The following RBPMS variants were observed in gnomAD, a reference collection of about 807,000 sequenced individuals.
The protein encoded by RBPMS is RNA binding protein, mRNA processing factor, also known as RNA-binding protein with multiple splicing.
In RBPMS, 7 loss-of-function variants were observed where a neutral mutation model predicts 26.8. The ratio of observed to expected loss-of-function variants is 0.26; its 90% CI spans 0.15 to 0.49. The LOEUF (loss-of-function observed/expected upper bound fraction) is 0.49. RBPMS is among the 20% of genes least tolerant of loss of function. The pLI is 0.98. For synonymous variants in RBPMS, 96 were observed against 93.3 expected (o/e 1.03, Z -0.17); for missense variants, 186 against 250.0 (o/e 0.74, Z 1.73).
intron 4 of RBPMS, among the ~76,000 whole-genome samples, chr8:30,501,093 G>C (rs568808330): frequency 1.1e-4 from 16 of 152,140 alleles, no homozygotes; most frequent in Non-Finnish European, 2.2e-4. Flanking sequence ...CCTCCAAGTT[G>C]ATGCTGCTAA....
At chr8:30,519,377 C>G (rs1219630276) in intron 5 of RBPMS, among the ~76,000 whole-genome samples, 2 of 151,396 alleles carry the variant, frequency 1.3e-5, no homozygotes, top group African/African-American at 4.9e-5. Flanking sequence ...ATTGGTCAGT[C>G]CATATATTGC....
At chr8:30,471,942 A>G (rs758269890) in intron 1 of RBPMS, among the ~76,000 whole-genome samples, 14 of 152,218 alleles carry the variant, frequency 9.2e-5, no homozygotes, top group Non-Finnish European at 4.4e-5. Context: ...CCAGCAGAAT[A>G]CACATTTGTT....
At chr8:30,470,689 G>GTGGA (rs1387958043) in intron 1 of RBPMS, among the ~76,000 whole-genome samples, 1 of 152,144 alleles carries the variant, frequency 6.6e-6, no homozygotes, top group Admixed American at 6.5e-5. Context: ...TGAAACAATA[G>GTGGA]TGGACTTCAT....
intron 4 of RBPMS, among the ~76,000 whole-genome samples, chr8:30,502,237 G>T (rs1336301352): frequency 2.0e-5 from 3 of 151,466 alleles, no homozygotes; most frequent in African/African-American, 7.3e-5. Flanking sequence ...TATGAAGAAG[G>T]GGGCAGGGAG....
In RBPMS at chr8:30,559,080, AT is replaced by A; in HGVS notation, c.*7+125del. On this transcript the variant is annotated intron_variant, in intron 7 of 8. Coordinates refer to ENST00000397323, the MANE Select transcript of RBPMS (RefSeq NM_001008710.3). ...CACACCTTATGCACCTCCTTTGTCC[AT>A]CTTTGTTAAACTCACTTGAACTACA... 5.1e-6 allele frequency: 4 copies of A among 786,020 alleles called. 1 individual carries two copies. The African/African-American group carries it at 6.8e-5, about 13-fold the overall frequency. The allele number at this position is 786,020 out of a possible 1,614,324, so 48.7% of individuals were successfully genotyped here. A position where few individuals can be genotyped will look rare whatever the true frequency, so the allele number is the denominator to read the frequency against.
intron 6 of RBPMS, among the ~76,000 whole-genome samples, chr8:30,557,366 A>T (rs984102405): frequency 2.0e-5 from 3 of 152,208 alleles, no homozygotes; most frequent in Middle Eastern, 3.4e-3. Flanking sequence ...CCCAATTTCT[A>T]GACATCCCTG....
intron 1 of RBPMS, among the ~76,000 whole-genome samples, chr8:30,388,468 CTT>C (rs1807377328): frequency 8.2e-6 from 1 of 121,686 alleles, no homozygotes; most frequent in Admixed American, 8.1e-5. Context: ...TAACTTATAA[CTT>C]ATAGCTATAG....
chr8:30,495,963 T>C (rs1438750169), intron 4 of RBPMS, among the ~76,000 whole-genome samples: 33 of 152,228 alleles, frequency 2.2e-4, no homozygotes, highest in Admixed American at 2.1e-3. Context: ...ATATGGATTC[T>C]ACCAGTAGTT....
At chr8:30,457,612 A>C (rs569289538) in intron 1 of RBPMS, among the ~76,000 whole-genome samples, 1 of 102,470 alleles carries the variant, frequency 9.8e-6, no homozygotes, top group African/African-American at 4.2e-5. Flanking sequence ...TTTTTTTTTG[A>C]GATGGAGTCT....
At chr8:30,555,849 T>C (rs900416926) in intron 6 of RBPMS, 14 of 983,624 alleles carry the variant, frequency 1.4e-5, no homozygotes, top group African/African-American at 1.7e-5. Context: ...CGAATGGGGC[T>C]AAGAGAGAAC....
At chr8:30,490,875 C>T (rs925525131) in intron 4 of RBPMS, among the ~76,000 whole-genome samples, 2 of 152,096 alleles carry the variant, frequency 1.3e-5, no homozygotes, top group African/African-American at 2.4e-5. Context: ...ATAGGTTTTG[C>T]CTCACTTTGT....
intron 1 of RBPMS, among the ~76,000 whole-genome samples, chr8:30,421,954 CA>C (rs1810843052): frequency 6.7e-6 from 1 of 148,630 alleles, no homozygotes; most frequent in Non-Finnish European, 1.5e-5. Context: ...GACTCTGTCT[CA>C]AAAAAGAAAA....
Position 30,449,464 on chromosome 8 carries a change from G to A in RBPMS, c.67-25315G>A, listed in dbSNP as rs1182613556. On this transcript the variant is annotated intron_variant, in intron 1 of 8. Transcript: ENST00000397323. The stretch of plus-strand genomic sequence containing the variant: ...CAGCTCACTGCAACCTTCACCTCCT[G>A]GTTCAAGCAATTCCCCCTGCCTCAG... Among the ~76,000 whole-genome samples the A allele has an allele frequency of 3.3e-5, 5 of 149,260 alleles. No individual in the cohort carries two copies. In the East Asian group the frequency reaches 9.9e-4, roughly 30 times the overall value.
At chr8:30,562,530 GATCT>G (rs1474222896) in intron 7 of RBPMS, among the ~76,000 whole-genome samples, 1 of 152,090 alleles carries the variant, frequency 6.6e-6, no homozygotes. Context: ...GCTCAGTGCG[GATCT>G]ATTATTTCAG....
At chr8:30,568,694 C>G (rs534332087) in intron 8 of RBPMS, among the ~76,000 whole-genome samples, 2 of 152,308 alleles carry the variant, frequency 1.3e-5, no homozygotes, top group African/African-American at 4.8e-5. Context: ...AACCCTGACC[C>G]CGCCATCCAT....
Position 30,545,069 on chromosome 8 carries a change from A to G in RBPMS, c.528+445A>G, listed in dbSNP as rs1366895996. 7.2e-6 allele frequency: 10 copies of G among 1,380,042 alleles called. No homozygotes were observed. In the African/African-American group the frequency reaches 1.2e-4, roughly 16 times the overall value. The allele number at this position is 1,380,042 out of a possible 1,614,324, so 85.5% of individuals were successfully genotyped here. ...TTCCACTCTCGTGTACGGTGAGAAG[A>G]ATCTCTGACCAAAGGGAAAGCTTCC... On this transcript the variant is annotated intron_variant, in intron 6 of 8. Transcript: ENST00000397323.
intron 5 of RBPMS, among the ~76,000 whole-genome samples, chr8:30,522,733 T>C (rs578040882): frequency 1.3e-5 from 2 of 152,336 alleles, no homozygotes; most frequent in Non-Finnish European, 2.9e-5. Context: ...GTATAGCTCT[T>C]TGTATATCAG....
chr8:30,458,737 G>A (rs149161770), intron 1 of RBPMS, among the ~76,000 whole-genome samples: 114 of 152,066 alleles, frequency 7.5e-4, no homozygotes, highest in Admixed American at 8.5e-4. Context: ...TTTTTGAGAC[G>A]GGATCTCACT....
chr8:30,554,074 C>A lies in RBPMS; in HGVS notation c.529-4813C>A, dbSNP rs930754764. Among the ~76,000 whole-genome samples, 10 of 152,346 alleles carry A rather than the reference C, an allele frequency of 6.6e-5. 1 individual carries two copies. Among genetic ancestry groups the A allele is most frequent in the Middle Eastern group, 6.8e-3 (2 of 294 alleles). The stretch of plus-strand genomic sequence containing the variant: ...TACAGGCATGAGCCACGGCGCCCTG[C>A]CCAAGCTACTGTTATTAACTATTTT... On this transcript the variant is annotated intron_variant, in intron 6 of 8. Coordinates refer to ENST00000397323, the MANE Select transcript of RBPMS (RefSeq NM_001008710.3).
Sources: allele counts gnomAD v4.1 joint callset (sites outside exome capture counted in the v4.1 genomes callset), GRCh38; gene constraint gnomAD v4.1.1; transcripts MANE v1.5; gene names NCBI Gene and HGNC (gene_info 2026-07-23, HGNC 2026-07-21).